PRDM2: variants seen among roughly 807,000 people sequenced by gnomAD.
The protein encoded by PRDM2 is PR domain zinc finger protein 2.
In PRDM2, 30 loss-of-function variants were observed where a neutral mutation model predicts 130.0. That is an observed-to-expected ratio of 0.23 (90% CI 0.17 to 0.31). The LOEUF is 0.31. Among genes scored for constraint, PRDM2 ranks in the 10% least tolerant of loss-of-function variants. The pLI, the probability that PRDM2 is intolerant of heterozygous loss-of-function variation, is 1.00. For missense variants in PRDM2, 2,011 were observed against 2,108.4 expected (o/e 0.95, Z 0.90); for synonymous variants, 871 against 782.4 (o/e 1.11, Z -1.89).
intron 3 of PRDM2, 65 bp downstream of exon 3, chr1:13,731,182 G>GCCAC: frequency 7.8e-7 from 1 of 1,283,828 alleles, no homozygotes; most frequent in Non-Finnish European, 1.1e-6. Flanking sequence ...GAGGCTTCCT[G>GCCAC]CAGGGGCATG....
At chr1:13,758,623 A>T (rs917288926) in intron 6 of PRDM2, among the ~76,000 whole-genome samples, 3 of 152,194 alleles carry the variant, frequency 2.0e-5, no homozygotes, top group Admixed American at 2.0e-4. Context: ...TTTGTTTAAA[A>T]GGTTAAAACT....
Position 13,749,494 on chromosome 1 carries a change from G to A in PRDM2, c.511+7G>A. 7.3e-7 allele frequency: 1 copy of A among 1,373,234 alleles called. No individual in the cohort carries two copies. The highest frequency in any genetic ancestry group is 9.6e-7 in the Non-Finnish European group (1 of 1,040,750). 85.1% of individuals were successfully genotyped at this position (1,373,234 alleles called of 1,614,324 possible). A position where few individuals can be genotyped will look rare whatever the true frequency, so the allele number is the denominator to read the frequency against. Reference sequence around the variant, plus strand: ...TCCCCCAAGAGCCGGAAAGGTAGGAGCCCCCCGGCCCGCCCGCCCGGCCCC... The same window carrying A: ...TCCCCCAAGAGCCGGAAAGGTAGGAACCCCCCGGCCCGCCCGCCCGGCCCC... On this transcript the variant is annotated splice_region_variant and intron_variant, in intron 6 of 9. Coordinates refer to ENST00000311066, the MANE Select transcript of PRDM2 (RefSeq NM_001393986.1).
intron 8 of PRDM2, chr1:13,787,093 GC>G: frequency 2.0e-6 from 2 of 985,364 alleles, no homozygotes; most frequent in Non-Finnish European, 1.2e-6. Flanking sequence ...CAAGTAGATT[GC>G]CAGCGTAATG....
At chr1:13,815,266 C>T (rs1203618) in intron 8 of PRDM2, among the ~76,000 whole-genome samples, 28,494 of 69,736 alleles carry the variant, frequency 0.41, 3,322 homozygotes, top group South Asian at 0.49. Context: ...ACCACCACGC[C>T]TGGACAATTT....
At chr1:13,813,873 G>A (rs1336459970) in intron 8 of PRDM2, among the ~76,000 whole-genome samples, 1 of 152,234 alleles carries the variant, frequency 6.6e-6, no homozygotes, top group Non-Finnish European at 1.5e-5. Context: ...AAAGGGAGCG[G>A]AGACACACTG....
chr1:13,746,382 T>A (rs1226489223), intron 5 of PRDM2, among the ~76,000 whole-genome samples: 1 of 151,874 alleles, frequency 6.6e-6, no homozygotes, highest in East Asian at 1.9e-4. Context: ...AAAACAAGCC[T>A]TGGTTTAAAA....
intron 5 of PRDM2, among the ~76,000 whole-genome samples, chr1:13,747,658 A>C (rs1029212219): frequency 6.6e-6 from 1 of 151,974 alleles, no homozygotes; most frequent in African/African-American, 2.4e-5. Context: ...AGAGTTCTGC[A>C]GAGAATTAAA....
chr1:13,780,901 C>G lies in PRDM2; in HGVS notation c.3106C>G (p.Pro1036Ala), dbSNP rs749071414. ...GTCCCCCTCTCCCTCTCCCATTCCT[C>G]CCGTGGAGCCCCTGATGTCTGCCGC... ...TVSPSPSPIP[P>A]VEPLMSAASP... Residue 1036 changes from proline (P) to alanine (A), a missense_variant, in exon 8 of 10, where the codon CCC becomes GCC. By Grantham distance (27) the Pro-to-Ala change is conservative. Coordinates refer to ENST00000311066, the MANE Select transcript of PRDM2 (RefSeq NM_001393986.1). 1 of 1,613,424 alleles carries G rather than the reference C, an allele frequency of 6.2e-7. No homozygotes were observed. The highest frequency in any genetic ancestry group is 1.1e-5 in the South Asian group (1 of 91,050).
chr1:13,749,543 C>T, intron 6 of PRDM2, 56 bp downstream of exon 6: 2 of 1,106,574 alleles, frequency 1.8e-6, no homozygotes, highest in South Asian at 4.6e-5. Flanking sequence ...CCCAGGACGC[C>T]GCCCTGCCGC....
intron 4 of PRDM2, among the ~76,000 whole-genome samples, chr1:13,739,640 C>T (rs1643379102): frequency 6.6e-6 from 1 of 152,156 alleles, no homozygotes; most frequent in African/African-American, 2.4e-5. Flanking sequence ...GAATTGGAAG[C>T]AATTTACAGT....
At chr1:13,768,330 A>G (rs1044597542) in intron 6 of PRDM2, among the ~76,000 whole-genome samples, 3 of 151,236 alleles carry the variant, frequency 2.0e-5, no homozygotes, top group African/African-American at 4.9e-5. Context: ...TGATCTGCCC[A>G]CCTTAGCCTC....
intron 7 of PRDM2, among the ~76,000 whole-genome samples, chr1:13,777,591 T>TA: frequency 7.2e-6 from 1 of 139,776 alleles, no homozygotes; most frequent in Non-Finnish European, 1.5e-5. Flanking sequence ...ACTCAGCGCT[T>TA]ATGCATTTTG....
chr1:13,726,497 A>G (rs1313466832), intron 2 of PRDM2, among the ~76,000 whole-genome samples: 1 of 152,180 alleles, frequency 6.6e-6, no homozygotes, highest in African/African-American at 2.4e-5. Context: ...GCTAGCTCTG[A>G]GCAGACACTC....
At chr1:13,755,620 T>G in intron 6 of PRDM2, among the ~76,000 whole-genome samples, 1 of 152,222 alleles carries the variant, frequency 6.6e-6, no homozygotes, top group East Asian at 1.9e-4. Flanking sequence ...AACACTAGGT[T>G]ATTTTTCTAA....
intron 5 of PRDM2, 50 bp downstream of exon 5, chr1:13,742,207 C>T: frequency 6.3e-7 from 1 of 1,575,128 alleles, no homozygotes; most frequent in Admixed American, 1.7e-5. Flanking sequence ...TTGTGTTTTC[C>T]TTTTTCTTTT....
At chr1:13,786,060 G>A (rs1007423428) in intron 8 of PRDM2, among the ~76,000 whole-genome samples, 4 of 151,720 alleles carry the variant, frequency 2.6e-5, no homozygotes, top group Non-Finnish European at 4.4e-5. Flanking sequence ...GGATGGTCTC[G>A]ATCTCCTGAC....
chr1:13,778,683 A>T lies in PRDM2; in HGVS notation c.888A>T (p.Glu296Asp), dbSNP rs1423042739. ...AGTTGGAAGACGAGGGGGAAGAAGA[A>T]GCCAGCATGCCAAATGAAAATTCTG... ...DDELEDEGEE[E>D]ASMPNENSVK... Residue 296 changes from glutamate to aspartate, a missense_variant, in exon 8 of 10, where the codon GAA becomes GAT. By Grantham distance (45) the Glu-to-Asp change is conservative. Around this residue, in one of 5 missense-constraint regions of PRDM2, gnomAD observed 1,288 missense variants for 1,237.7 expected, o/e 1.04. Transcript: ENST00000311066. The T allele has an allele frequency of 8.1e-6, 13 of 1,614,244 alleles. No homozygotes were observed. Among genetic ancestry groups the T allele is most frequent in the Non-Finnish European group, 1.1e-5 (13 of 1,180,054 alleles).
At position 13,768,151 on chromosome 1, in the gene PRDM2, C is replaced by T. The variant is rs1644273240; in HGVS notation, c.512-4927C>T. The stretch of plus-strand genomic sequence containing the variant: ...GGAGTCCGGTGGCGTGATCTCGGCT[C>T]ACTGCAAGCTCCACCTCCCGGGTTC... On this transcript the variant is annotated intron_variant, in intron 6 of 9. Transcript: ENST00000311066. Among the ~76,000 whole-genome samples, 7 of 145,744 alleles carry T rather than the reference C, an allele frequency of 4.8e-5. No individual in the cohort carries two copies. In the South Asian group the frequency reaches 1.5e-3, roughly 32 times the overall value.
At chr1:13,767,128 C>T (rs1030608908) in intron 6 of PRDM2, among the ~76,000 whole-genome samples, 4 of 152,142 alleles carry the variant, frequency 2.6e-5, no homozygotes, top group African/African-American at 9.7e-5. Flanking sequence ...TGTATGGTAA[C>T]TATTTCACTA....
Sources: gnomAD v4.1 joint callset for allele counts (sites outside exome capture counted in the v4.1 genomes callset) on GRCh38, gnomAD v4.1.1 for gene constraint, gnomAD v4.1.1 regional missense constraint, MANE v1.5 for transcripts, NCBI Gene and HGNC (gene_info 2026-07-23, HGNC 2026-07-21) for gene names.